UTS2: variants seen among roughly 807,000 people sequenced by gnomAD.
The protein encoded by UTS2 is urotensin 2.
In UTS2, 10 loss-of-function variants were observed where a neutral mutation model predicts 12.6. That is an observed-to-expected ratio of 0.80 (90% CI 0.49 to 1.35). The LOEUF (loss-of-function observed/expected upper bound fraction) is 1.35. Among genes scored for constraint, UTS2 ranks in the 40% most tolerant of loss-of-function variants. The probability of loss-of-function intolerance (pLI) is 0.00; values close to 1 mark genes in which losing one functional copy is unlikely to be tolerated. For synonymous variants in UTS2, 52 were observed against 50.0 expected, an observed-to-expected ratio of 1.04 and a Z score of -0.17; for missense variants, 142 against 143.2, an observed-to-expected ratio of 0.99 and a Z score of 0.04.
the UTS2 span, among the ~76,000 whole-genome samples, chr1:7,912,912 TTC>T: frequency 1.3e-5 from 2 of 151,818 alleles, no homozygotes; most frequent in Non-Finnish European, 2.9e-5. Context: ...TATTTTTTTT[TTC>T]TCTCTCTCTC....
At chr1:7,863,006 T>TCG in the UTS2 span, among the ~76,000 whole-genome samples, 1 of 20,282 alleles carries the variant, frequency 4.9e-5, no homozygotes, top group African/African-American at 1.7e-4. Flanking sequence ...TTGTATTGTA[T>TCG]TGTATTGTAT....
chr1:7,913,188 G>A, the UTS2 span, among the ~76,000 whole-genome samples: 2 of 150,838 alleles, frequency 1.3e-5, no homozygotes, highest in Admixed American at 1.3e-4. Context: ...TACCTGGGGA[G>A]TTTTCGGCCT....
At chr1:7,897,070 T>C in the UTS2 span, among the ~76,000 whole-genome samples, 2 of 152,228 alleles carry the variant, frequency 1.3e-5, no homozygotes, top group African/African-American at 2.4e-5. Context: ...TACATGAGAT[T>C]TCTGTTTCTA....
the UTS2 span, among the ~76,000 whole-genome samples, chr1:7,912,974 T>C: frequency 2.1e-5 from 3 of 146,226 alleles, no homozygotes; most frequent in Non-Finnish European, 4.5e-5. Flanking sequence ...CCCTTTAAAA[T>C]GCAAGTATAG....
At chr1:7,887,996 G>A in the UTS2 span, among the ~76,000 whole-genome samples, 10 of 152,094 alleles carry the variant, frequency 6.6e-5, no homozygotes, top group East Asian at 1.9e-4. Flanking sequence ...AAGATGTTAC[G>A]GGTCTTGGCC....
chr1:7,905,244 A>C, the UTS2 span, among the ~76,000 whole-genome samples: 3 of 151,494 alleles, frequency 2.0e-5, no homozygotes, highest in Non-Finnish European at 4.4e-5. Flanking sequence ...CCCAGGTTCA[A>C]GCAATTCTCC....
chr1:7,851,166 C>T (rs1558505319), intron 1 of UTS2, among the ~76,000 whole-genome samples: 2 of 152,244 alleles, frequency 1.3e-5, no homozygotes, highest in African/African-American at 2.4e-5. Flanking sequence ...AGCCAAGCCC[C>T]TCGGCTGCCT....
At chr1:7,901,990 G>A in the UTS2 span, among the ~76,000 whole-genome samples, 2 of 152,200 alleles carry the variant, frequency 1.3e-5, no homozygotes, top group Non-Finnish European at 2.9e-5. Context: ...GTGGGTGCGA[G>A]GGAGAGGGTG....
At chr1:7,855,124 G>A (rs776560060), upstream of UTS2, among the ~76,000 whole-genome samples, 12 of 152,024 alleles carry the variant, frequency 7.9e-5, no homozygotes, top group Non-Finnish European at 1.6e-4. Flanking sequence ...TCACACCACT[G>A]CACTCCAGCC....
the UTS2 span, among the ~76,000 whole-genome samples, chr1:7,879,248 C>A: frequency 6.6e-6 from 1 of 152,130 alleles, no homozygotes; most frequent in Non-Finnish European, 1.5e-5. Flanking sequence ...CAGGATAGAC[C>A]ACATGTTAGG....
the UTS2 span, among the ~76,000 whole-genome samples, chr1:7,885,159 C>T: frequency 1.3e-5 from 2 of 152,230 alleles, no homozygotes; most frequent in African/African-American, 4.8e-5. Context: ...TCCATCCATC[C>T]ATCCACAACT....
the UTS2 span, among the ~76,000 whole-genome samples, chr1:7,885,138 C>CCAT: frequency 6.6e-6 from 1 of 151,638 alleles, no homozygotes; most frequent in East Asian, 1.9e-4. Context: ...TATCATCCAT[C>CCAT]CATCCATCCA....
At chr1:7,903,016 C>T in the UTS2 span, among the ~76,000 whole-genome samples, 1 of 130,678 alleles carries the variant, frequency 7.7e-6, no homozygotes, top group South Asian at 2.7e-4. Flanking sequence ...TCCCTCTTCC[C>T]CTCCTTCCCC....
At chr1:7,886,876 C>T in the UTS2 span, among the ~76,000 whole-genome samples, 2 of 151,602 alleles carry the variant, frequency 1.3e-5, no homozygotes, top group East Asian at 1.9e-4. Context: ...CATGGTGAAA[C>T]CCATCTCTAC....
At chr1:7,887,956 C>T in the UTS2 span, among the ~76,000 whole-genome samples, 1 of 152,142 alleles carries the variant, frequency 6.6e-6, no homozygotes. Flanking sequence ...GCACAAGGAG[C>T]TCTTTCCAAA....
chr1:7,891,605 C>T, the UTS2 span, among the ~76,000 whole-genome samples: 3 of 120,972 alleles, frequency 2.5e-5, no homozygotes, highest in Middle Eastern at 4.1e-3. Context: ...AGAAAATTGC[C>T]AAGAGTAGAT....
At chr1:7,899,426 A>G in the UTS2 span, among the ~76,000 whole-genome samples, 1 of 152,202 alleles carries the variant, frequency 6.6e-6, no homozygotes, top group Non-Finnish European at 1.5e-5. Flanking sequence ...CGATGCAGTT[A>G]GGTGTTTTAA....
chr1:7,890,378 A>T, the UTS2 span, among the ~76,000 whole-genome samples: 4 of 152,094 alleles, frequency 2.6e-5, no homozygotes. Flanking sequence ...CCTAAGGGCC[A>T]TGGACAGAGG....
the UTS2 span, among the ~76,000 whole-genome samples, chr1:7,903,014 C>CCCCTCCTT: frequency 1.0e-5 from 1 of 98,182 alleles, no homozygotes; most frequent in African/African-American, 7.6e-5. Flanking sequence ...CTTCCCTCTT[C>CCCCTCCTT]CCCTCCTTCC....
Sources: gnomAD v4.1 joint callset for allele counts (sites outside exome capture counted in the v4.1 genomes callset) on GRCh38, gnomAD v4.1.1 for gene constraint, MANE v1.5 for transcripts, NCBI Gene and HGNC (gene_info 2026-07-23, HGNC 2026-07-21) for gene names.